BMP7: variants seen among roughly 807,000 people sequenced by gnomAD.
BMP7 encodes bone morphogenetic protein 7.
Under a neutral mutation model 41.2 loss-of-function variants are expected in BMP7, and 12 were observed. That is an observed-to-expected ratio of 0.29 (90% CI 0.19 to 0.47). The LOEUF (loss-of-function observed/expected upper bound fraction) is 0.47, where lower values mean the gene tolerates loss of function less well. Ranked by LOEUF, BMP7 falls within the 20% of genes least tolerant of loss-of-function variation. BMP7 has a pLI of 0.99. For missense variants in BMP7, 467 were observed against 606.0 expected (o/e 0.77, Z 2.41); for synonymous variants, 248 against 250.0 (o/e 0.99, Z 0.07).
Position 57,266,081 on chromosome 20 carries a change from G to C in BMP7, c.42C>G (p.Phe14Leu). 1.3e-6 allele frequency: 2 copies of C among 1,538,132 alleles called. No homozygotes were observed. The highest frequency in any genetic ancestry group is 2.4e-5 in the East Asian group (1 of 40,888). The change falls in exon 1 of 7, where the codon TTC (phenylalanine) becomes TTG (leucine). Residue 14 changes from phenylalanine (F) to leucine (L), a missense_variant. Transcript: ENST00000395863. ...GGAACAGGGGTGCCCAGAGCGCCAC[G>C]AAGCTGTGCGGCGCCGCAGCTCGCA... ...RSLRAAAPHS[F>L]VALWAPLFLL...
intron 3 of BMP7, among the ~76,000 whole-genome samples, chr20:57,185,516 C>T (rs1194169194): frequency 6.6e-6 from 1 of 152,194 alleles, no homozygotes; most frequent in African/African-American, 2.4e-5. Context: ...GAAACTGAGG[C>T]AATGGAGCAT....
At chr20:57,196,012 G>A (rs368504888) in intron 3 of BMP7, among the ~76,000 whole-genome samples, 1 of 152,200 alleles carries the variant, frequency 6.6e-6, no homozygotes, top group Non-Finnish European at 1.5e-5. Context: ...ACATGAGGCA[G>A]ACAAGGGCTC....
Position 57,174,114 on chromosome 20 carries a change from C to T in BMP7, c.1036-804G>A, listed in dbSNP as rs373315820. 7.9e-5 allele frequency among the ~76,000 whole-genome samples: 12 copies of T among 152,146 alleles called. No homozygotes were observed. The highest frequency in any genetic ancestry group is 5.8e-4 in the East Asian group (3 of 5,194). The stretch of plus-strand genomic sequence containing the variant: ...GCTCAGAGCTGGCTGTGTGCACGTA[C>T]GCCCTGAGTGTGTCTGGGCATAATC... On this transcript the variant is annotated intron_variant, in intron 5 of 6. Transcript: ENST00000395863. This position sits in a 1 kb window ranked among gnomAD's most constrained non-coding sequence, Gnocchi z 4.3.
Position 57,236,282 on chromosome 20 carries a change from C to A in BMP7, c.419-7861G>T, listed in dbSNP as rs527308549. 2.6e-5 allele frequency among the ~76,000 whole-genome samples: 4 copies of A among 152,264 alleles called. No individual in the cohort carries two copies. In the South Asian group the frequency reaches 8.3e-4, roughly 32 times the overall value. On this transcript the variant is annotated intron_variant, in intron 1 of 6. Transcript: ENST00000395863. ...TGCTGCCCACTGCCGGCCTGGAATG[C>A]CAGGAGGGCGATAACACCATCAGTA...
At position 57,242,125 on chromosome 20, in the gene BMP7, A is replaced by T. The variant is rs1015089825; in HGVS notation, c.419-13704T>A. On this transcript the variant is annotated intron_variant, in intron 1 of 6. Transcript: ENST00000395863. Reference sequence around the variant, plus strand: ...TCATTGAAATTGAGGGAAAAGAACCAGTGATTCTCAGCCAGAGCTGACTTT... The same window carrying T: ...TCATTGAAATTGAGGGAAAAGAACCTGTGATTCTCAGCCAGAGCTGACTTT... Among the ~76,000 whole-genome samples, 5 of 152,200 alleles carry T rather than the reference A, an allele frequency of 3.3e-5. No individual in the cohort carries two copies. The East Asian group carries it at 9.7e-4, about 29-fold the overall frequency.
At chr20:57,232,376 G>A (rs2066032598) in intron 1 of BMP7, among the ~76,000 whole-genome samples, 1 of 152,110 alleles carries the variant, frequency 6.6e-6, no homozygotes, top group Non-Finnish European at 1.5e-5. Flanking sequence ...GAAGCAACAT[G>A]TGCTGTGGGC....
chr20:57,194,314 C>T (rs1984443210), intron 3 of BMP7, among the ~76,000 whole-genome samples: 1 of 152,150 alleles, frequency 6.6e-6, no homozygotes, highest in Non-Finnish European at 1.5e-5. Flanking sequence ...CAAACTACAG[C>T]CTGCAGGCCA....
chr20:57,228,406 T>C lies in BMP7; in HGVS notation c.434A>G (p.Glu145Gly), dbSNP rs1568722937. 2 of 1,614,106 alleles carry C rather than the reference T, an allele frequency of 1.2e-6. No homozygotes were observed. Among genetic ancestry groups the C allele is most frequent in the Non-Finnish European group, 1.7e-6 (2 of 1,180,008 alleles). ...ATGGTGGTAGCGTGGGTGGAAGAATTCCTTGTCATGTTCCACTGGAAGAGG... is the reference window on the plus strand; with the variant it reads ...ATGGTGGTAGCGTGGGTGGAAGAATCCCTTGTCATGTTCCACTGGAAGAGG... Reference protein sequence around the residue: ...SFVNLVEHDKEFFHPRYHHRE... With the variant: ...SFVNLVEHDKGFFHPRYHHRE... The change falls in exon 2 of 7, where the codon GAA (glutamate) becomes GGA (glycine). Residue 145 changes from glutamate (E) to glycine (G), a missense_variant. By Grantham distance (98) the Glu-to-Gly change is moderately conservative (BLOSUM62 -2). This residue lies in a region of BMP7 where 407 missense variants were observed against 485.9 expected (regional missense o/e 0.84). Coordinates refer to ENST00000395863, the MANE Select transcript of BMP7 (RefSeq NM_001719.3). The surrounding 1 kb of genome is among the most constrained non-coding windows in gnomAD (Gnocchi z 4.5).
intron 1 of BMP7, among the ~76,000 whole-genome samples, chr20:57,254,539 T>C (rs1352745504): frequency 6.6e-6 from 1 of 151,878 alleles, no homozygotes; most frequent in Non-Finnish European, 1.5e-5. Context: ...TGTGGGAGGT[T>C]GGGGGCGGGG....
At position 57,266,104 on chromosome 20, in the gene BMP7, G is replaced by T; in HGVS notation, c.19C>A (p.Arg7=). The stretch of plus-strand genomic sequence containing the variant: ...ACGAAGCTGTGCGGCGCCGCAGCTC[G>T]CAGTGAGCGCACGTGCATCGCGCCG... The part of the protein sequence containing the change: MHVRSL[R]AAAPHSFVAL... The change falls in exon 1 of 7, where the codon CGA becomes AGA. Residue 7 remains arginine, a synonymous_variant. Transcript: ENST00000395863. 6.5e-7 allele frequency: 1 copy of T among 1,535,328 alleles called. No homozygotes were observed. Among genetic ancestry groups the T allele is most frequent in the South Asian group, 1.2e-5 (1 of 83,898 alleles).
At chr20:57,227,701 C>T (rs375757010) in intron 2 of BMP7, among the ~76,000 whole-genome samples, 4 of 152,214 alleles carry the variant, frequency 2.6e-5, no homozygotes, top group Non-Finnish European at 5.9e-5. Context: ...TTACCTCTCA[C>T]AAGACCTTGA....
intron 2 of BMP7, among the ~76,000 whole-genome samples, chr20:57,211,143 C>T (rs1245496541): frequency 6.6e-6 from 1 of 152,244 alleles, no homozygotes; most frequent in African/African-American, 2.4e-5. Flanking sequence ...GCACCTACTG[C>T]ACACTAGGCT....
chr20:57,224,647 G>A lies in BMP7; in HGVS notation c.611+3582C>T, dbSNP rs1985265019. On this transcript the variant is annotated intron_variant, in intron 2 of 6. Transcript: ENST00000395863. This position sits in a 1 kb window ranked among gnomAD's most constrained non-coding sequence, Gnocchi z 4.8. ...AGCTCCTGGAAGCCAGGCCCCAGCT[G>A]GCCTGGCCTCAGGCCTGGGGTTCAG... The A allele has an allele frequency of 6.6e-6, 1 of 152,352 alleles. No homozygotes were observed. Among genetic ancestry groups the A allele is most frequent in the African/African-American group, 2.4e-5 (1 of 41,478 alleles). The allele number at this position is 152,352 out of a possible 1,614,324, so 9.4% of individuals were successfully genotyped here.
intron 2 of BMP7, among the ~76,000 whole-genome samples, chr20:57,226,796 C>T (rs2066008777): frequency 6.6e-6 from 1 of 151,834 alleles, no homozygotes; most frequent in Non-Finnish European, 1.5e-5. Flanking sequence ...TGATTTTATA[C>T]CATGAACATG....
At chr20:57,260,050 C>T (rs2066147881) in intron 1 of BMP7, among the ~76,000 whole-genome samples, 1 of 152,104 alleles carries the variant, frequency 6.6e-6, no homozygotes, top group African/African-American at 2.4e-5. Context: ...TTGCAGTGAA[C>T]AAACGCCCTT....
At chr20:57,210,546 C>G (rs1365451373) in intron 2 of BMP7, among the ~76,000 whole-genome samples, 1 of 152,220 alleles carries the variant, frequency 6.6e-6, no homozygotes, top group Admixed American at 6.5e-5. Flanking sequence ...ATGTGGGATG[C>G]AGGACCCGGC....
At chr20:57,249,513 C>T (rs1269600332) in intron 1 of BMP7, among the ~76,000 whole-genome samples, 1 of 152,102 alleles carries the variant, frequency 6.6e-6, no homozygotes, top group Admixed American at 6.6e-5. Flanking sequence ...TTTAGCCTAC[C>T]CCTGATGCAG....
chr20:57,258,192 T>C (rs2066141223), intron 1 of BMP7, among the ~76,000 whole-genome samples: 1 of 152,218 alleles, frequency 6.6e-6, no homozygotes, highest in African/African-American at 2.4e-5. Flanking sequence ...AGTCGGATTT[T>C]TCAAACAGTA....
At chr20:57,199,162 G>C (rs1475393172) in intron 3 of BMP7, among the ~76,000 whole-genome samples, 5 of 152,294 alleles carry the variant, frequency 3.3e-5, no homozygotes, top group Middle Eastern at 3.4e-3. Flanking sequence ...GCACAAAGCA[G>C]GTGTGCACTG....
Sources: gnomAD v4.1 joint callset for allele counts (sites outside exome capture counted in the v4.1 genomes callset) on GRCh38, gnomAD v4.1.1 for gene constraint, gnomAD v4.1.1 regional missense constraint, Gnocchi (gnomAD v3.1) non-coding constraint, MANE v1.5 for transcripts, NCBI Gene and HGNC (gene_info 2026-07-23, HGNC 2026-07-21) for gene names.